Variants in PAWR observed in about 807,000 individuals in gnomAD.
PAWR encodes pro-apoptotic WT1 regulator, also known as PRKC apoptosis WT1 regulator protein.
In PAWR, 23 loss-of-function variants were observed where a neutral mutation model predicts 32.0. The observed-to-expected ratio is 0.72, with a 90% CI of 0.52 to 1.02. The LOEUF is 1.02. Ranked by LOEUF, PAWR falls within the 50% of genes least tolerant of loss-of-function variation. PAWR has a pLI of 0.00. For synonymous variants in PAWR, 226 were observed against 187.1 expected (o/e 1.21, Z -1.70); for missense variants, 457 against 437.7 (o/e 1.04, Z -0.39).
intron 2 of PAWR, among the ~76,000 whole-genome samples, chr12:79,645,886 G>A (rs1257823850): frequency 1.3e-5 from 2 of 152,188 alleles, no homozygotes; most frequent in Non-Finnish European, 2.9e-5. Flanking sequence ...AGTAGATAAT[G>A]CCCAGGATTC....
At chr12:79,677,897 T>C (rs975142174) in intron 2 of PAWR, among the ~76,000 whole-genome samples, 1 of 152,188 alleles carries the variant, frequency 6.6e-6, no homozygotes, top group Non-Finnish European at 1.5e-5. Context: ...GGGATAACGT[T>C]AAGCTATAAA....
intron 2 of PAWR, among the ~76,000 whole-genome samples, chr12:79,656,333 T>A (rs1011891792): frequency 4.6e-5 from 7 of 152,236 alleles, no homozygotes; most frequent in African/African-American, 1.7e-4. Flanking sequence ...TGGTTGATAC[T>A]GGTAGCCTGA....
At chr12:79,625,012 G>T (rs1035092239) in intron 2 of PAWR, among the ~76,000 whole-genome samples, 17 of 151,942 alleles carry the variant, frequency 1.1e-4, no homozygotes, top group African/African-American at 4.1e-4. Context: ...CACTCAATAG[G>T]GATTGTATCA....
chr12:79,667,699 T>C (rs1288287980), intron 2 of PAWR, among the ~76,000 whole-genome samples: 1 of 152,246 alleles, frequency 6.6e-6, no homozygotes. Flanking sequence ...TGGAGTAATC[T>C]TTTAAAAATA....
intron 3 of PAWR, among the ~76,000 whole-genome samples, chr12:79,618,262 G>A (rs1437527849): frequency 6.6e-6 from 1 of 151,998 alleles, no homozygotes; most frequent in African/African-American, 2.4e-5. Context: ...CTGAGTAGCT[G>A]GGATTACAGG....
intron 2 of PAWR, among the ~76,000 whole-genome samples, chr12:79,639,907 ATTC>A (rs1876235309): frequency 8.2e-6 from 1 of 122,428 alleles, no homozygotes; most frequent in Non-Finnish European, 1.5e-5. Flanking sequence ...ATTCCATTCC[ATTC>A]CATTCTATTC....
At chr12:79,664,658 C>CGG (rs10700018) in intron 2 of PAWR, among the ~76,000 whole-genome samples, 7,868 of 128,082 alleles carry the variant, frequency 0.061, 972 homozygotes, top group East Asian at 0.18. Context: ...GACTCTTTGG[C>CGG]GGGGGGGGGA....
chr12:79,672,070 T>A (rs1296403328), intron 2 of PAWR, among the ~76,000 whole-genome samples: 1 of 152,138 alleles, frequency 6.6e-6, no homozygotes, highest in Non-Finnish European at 1.5e-5. Context: ...TGCTGTCAGC[T>A]CTACCTCTAA....
intron 2 of PAWR, among the ~76,000 whole-genome samples, chr12:79,628,732 C>T (rs910559497): frequency 1.3e-5 from 2 of 151,992 alleles, no homozygotes; most frequent in Admixed American, 6.6e-5. Context: ...ATGGTCAATA[C>T]ATGAATAAAT....
At chr12:79,637,249 T>A (rs1334243590) in intron 2 of PAWR, among the ~76,000 whole-genome samples, 1 of 152,142 alleles carries the variant, frequency 6.6e-6, no homozygotes, top group Non-Finnish European at 1.5e-5. Flanking sequence ...ATTAAGTGCC[T>A]GTGCTTTCCA....
intron 6 of PAWR, 22 bp downstream of exon 6, chr12:79,594,307 T>C (rs970428909): frequency 1.5e-5 from 16 of 1,076,962 alleles, no homozygotes; most frequent in Non-Finnish European, 2.2e-5. Context: ...CCTCCAAACC[T>C]GAAATATGGT....
chr12:79,599,564 T>C (rs1048542864), intron 4 of PAWR, among the ~76,000 whole-genome samples: 1 of 152,256 alleles, frequency 6.6e-6, no homozygotes, highest in Non-Finnish European at 1.5e-5. Flanking sequence ...GCAAGTGTTA[T>C]ATAGTTCAGA....
At chr12:79,660,830 T>C (rs1393054090) in intron 2 of PAWR, among the ~76,000 whole-genome samples, 4 of 151,870 alleles carry the variant, frequency 2.6e-5, no homozygotes, top group African/African-American at 4.8e-5. Context: ...CTGATCCACC[T>C]GCCTCAGCCT....
intron 3 of PAWR, among the ~76,000 whole-genome samples, chr12:79,615,925 C>T (rs1160626351): frequency 6.6e-6 from 1 of 151,740 alleles, no homozygotes; most frequent in Non-Finnish European, 1.5e-5. Context: ...GGTGAAGTGG[C>T]GTGTGCCTGT....
intron 2 of PAWR, among the ~76,000 whole-genome samples, chr12:79,632,714 T>C (rs1335714723): frequency 3.3e-5 from 5 of 151,690 alleles, no homozygotes; most frequent in Admixed American, 2.6e-4. Flanking sequence ...AAGATTCAAC[T>C]GGGAAAGGAT....
At chr12:79,605,059 T>C (rs1315489554) in intron 4 of PAWR, among the ~76,000 whole-genome samples, 1 of 151,008 alleles carries the variant, frequency 6.6e-6, no homozygotes, top group African/African-American at 2.5e-5. Flanking sequence ...TAATATTTTA[T>C]ATATACTTTT....
At chr12:79,633,796 A>ATT (rs1437150585) in intron 2 of PAWR, among the ~76,000 whole-genome samples, 1 of 152,216 alleles carries the variant, frequency 6.6e-6, no homozygotes, top group Non-Finnish European at 1.5e-5. Context: ...TATTTGAGAG[A>ATT]TTAAGGAACT....
At position 79,667,668 on chromosome 12, in the gene PAWR, TATTTAC is replaced by T. The variant is rs556945185; in HGVS notation, c.516+22055_516+22060del. Among the ~76,000 whole-genome samples the T allele has an allele frequency of 3.8e-3, 581 of 152,312 alleles. 2 individuals carry two copies. Among genetic ancestry groups the T allele is most frequent in the Non-Finnish European group, 6.8e-3 (460 of 68,024 alleles). ...TGGACATTTGATATTAATGAATTAT[TATTTAC>T]ATGTAATAGTGGAATGGAGTAATCT... is the stretch of plus-strand genomic sequence containing the variant. On this transcript the variant is annotated intron_variant, in intron 2 of 6. Coordinates refer to ENST00000328827, the MANE Select transcript of PAWR (RefSeq NM_002583.4).
Position 79,689,852 on chromosome 12 carries a change from G to A in PAWR, c.393C>T (p.Asp131=), listed in dbSNP as rs766440126. 2 of 1,582,246 alleles carry A rather than the reference G, an allele frequency of 1.3e-6. No individual in the cohort carries two copies. The highest frequency in any genetic ancestry group is 8.6e-7 in the Non-Finnish European group (1 of 1,165,434). ...AGCTCTTGCCCTTCTCTGGGACGCC[G>A]TCCGGCTCCTCCTCGTCACGCTGGG... ...PPPQRDEEEP[D]GVPEKGKSSG... is the part of the protein sequence containing the mutation. The change falls in exon 2 of 7, where the codon GAC becomes GAT. Residue 131 remains aspartate (D), a synonymous_variant. Coordinates refer to ENST00000328827, the MANE Select transcript of PAWR (RefSeq NM_002583.4).
Sources: gnomAD v4.1 joint callset for allele counts (sites outside exome capture counted in the v4.1 genomes callset) on GRCh38, gnomAD v4.1.1 for gene constraint, MANE v1.5 for transcripts, NCBI Gene and HGNC (gene_info 2026-07-23, HGNC 2026-07-21) for gene names.